The following PCBP3 variants were observed in gnomAD, a reference collection of about 807,000 sequenced individuals.
PCBP3 encodes poly(rC) binding protein 3.
In PCBP3, 25 loss-of-function variants were observed where a neutral mutation model predicts 52.7. The ratio of observed to expected loss-of-function variants is 0.47; its 90% CI spans 0.35 to 0.66. The LOEUF (loss-of-function observed/expected upper bound fraction) is 0.66. PCBP3 is among the 30% of genes least tolerant of loss of function. PCBP3 has a pLI of 0.01. For missense variants in PCBP3, 391 were observed against 490.3 expected (o/e 0.80, Z 1.91); for synonymous variants, 162 against 183.0 (o/e 0.89, Z 0.93).
chr21:45,914,042 T>C lies in PCBP3; in HGVS notation c.675+17T>C, dbSNP rs761094654. ...GGTGGTCAGGTAAGAGCCGATCCGCTCGCGGCCTCCACTGCCAACCTCAGC... is the reference window on the plus strand; with the variant it reads ...GGTGGTCAGGTAAGAGCCGATCCGCCCGCGGCCTCCACTGCCAACCTCAGC... On this transcript the variant is annotated intron_variant, in intron 12 of 17. Transcript: ENST00000681687. 2.5e-6 allele frequency: 4 copies of C among 1,613,370 alleles called. No homozygotes were observed. In the South Asian group the frequency reaches 4.4e-5, roughly 18 times the overall value.
At position 45,780,822 on chromosome 21, in the gene PCBP3, C is replaced by T. The variant is rs114695103; in HGVS notation, c.-126+25370C>T. Reference sequence around the variant, plus strand: ...AGAGAGAGAGAGCCAGGGACCGATGCGCCAACACTTTTATTGGAGTCTAGG... The same window carrying T: ...AGAGAGAGAGAGCCAGGGACCGATGTGCCAACACTTTTATTGGAGTCTAGG... On this transcript the variant is annotated intron_variant, in intron 4 of 17. Coordinates refer to ENST00000681687, the MANE Select transcript of PCBP3 (RefSeq NM_001384156.1). 5.5e-3 allele frequency among the ~76,000 whole-genome samples: 837 copies of T among 152,258 alleles called. 6 individuals are homozygous for T. The highest frequency in any genetic ancestry group is 0.019 in the African/African-American group (783 of 41,552).
intron 1 of PCBP3, among the ~76,000 whole-genome samples, chr21:45,651,154 T>C (rs770948139): frequency 6.6e-6 from 1 of 152,172 alleles, no homozygotes; most frequent in Non-Finnish European, 1.5e-5. Context: ...AGATATTAAA[T>C]ACATATTGGT....
intron 5 of PCBP3, among the ~76,000 whole-genome samples, chr21:45,855,230 C>G (rs929273092): frequency 6.6e-6 from 1 of 152,180 alleles, no homozygotes; most frequent in Non-Finnish European, 1.5e-5. Context: ...GTGCACAGAG[C>G]TGGAGCTTCC....
At chr21:45,812,719 C>A (rs1444211735) in intron 4 of PCBP3, among the ~76,000 whole-genome samples, 2 of 152,162 alleles carry the variant, frequency 1.3e-5, no homozygotes, top group Admixed American at 6.5e-5. Context: ...TGCAGTTCTG[C>A]TAGGTATGAA....
intron 3 of PCBP3, among the ~76,000 whole-genome samples, chr21:45,748,696 T>G (rs2087133802): frequency 6.6e-6 from 1 of 152,222 alleles, no homozygotes. Context: ...TGGTTGCAGT[T>G]GGGGGCAGGT....
At chr21:45,916,462 A>C (rs559160416) in intron 12 of PCBP3, 2 of 152,318 alleles carry the variant, frequency 1.3e-5, no homozygotes, top group Admixed American at 1.3e-4. Context: ...GCTGGGCTGC[A>C]GCCGGGTCCC....
intron 4 of PCBP3, among the ~76,000 whole-genome samples, chr21:45,801,395 T>C (rs990856673): frequency 1.2e-4 from 18 of 152,176 alleles, no homozygotes; most frequent in African/African-American, 4.1e-4. Context: ...GCAGGGCCCC[T>C]GGGTGCACAA....
intron 5 of PCBP3, chr21:45,872,702 T>G (rs2095081792): frequency 6.6e-6 from 1 of 152,342 alleles, no homozygotes; most frequent in East Asian, 1.9e-4. Flanking sequence ...CCAGCTGGCC[T>G]GTGGCTTCGG....
At chr21:45,825,802 G>A (rs71324449) in intron 4 of PCBP3, among the ~76,000 whole-genome samples, 6,211 of 152,272 alleles carry the variant, frequency 0.041, 179 homozygotes, top group Non-Finnish European at 0.064. Context: ...GGTGGGGTTG[G>A]TGGTGGGACG....
At chr21:45,902,842 C>T (rs2096097434) in intron 9 of PCBP3, among the ~76,000 whole-genome samples, 1 of 152,260 alleles carries the variant, frequency 6.6e-6, no homozygotes, top group South Asian at 2.1e-4. Context: ...CTGCTTGTGC[C>T]AACACGTCTT....
At chr21:45,897,988 C>T (rs2095874868) in intron 6 of PCBP3, among the ~76,000 whole-genome samples, 1 of 152,204 alleles carries the variant, frequency 6.6e-6, no homozygotes, top group Admixed American at 6.5e-5. Flanking sequence ...GCTCTGAGCT[C>T]TAGCCCCACA....
chr21:45,934,095 G>A (rs2076619815), intron 15 of PCBP3, among the ~76,000 whole-genome samples: 1 of 152,168 alleles, frequency 6.6e-6, no homozygotes, highest in African/African-American at 2.4e-5. Context: ...GAACCAGCAA[G>A]AGGGAAGCAT....
intron 13 of PCBP3, 106 bp from the exon 14 acceptor site, chr21:45,929,811 C>G (rs1340894330): frequency 1.2e-6 from 1 of 829,944 alleles, no homozygotes; most frequent in African/African-American, 1.7e-5. Flanking sequence ...CCGCATGGCC[C>G]TCTTTCTATC....
intron 9 of PCBP3, among the ~76,000 whole-genome samples, chr21:45,906,253 G>A (rs1161971243): frequency 2.6e-5 from 4 of 152,144 alleles, no homozygotes; most frequent in African/African-American, 9.7e-5. Context: ...GTTGTGTTTC[G>A]GTTCAGTACC....
Position 45,723,087 on chromosome 21 carries a change from T to A in PCBP3, c.-199-12305T>A, listed in dbSNP as rs572458358. On this transcript the variant is annotated intron_variant, in intron 2 of 17. Coordinates refer to ENST00000681687, the MANE Select transcript of PCBP3 (RefSeq NM_001384156.1). The stretch of plus-strand genomic sequence containing the variant: ...AGAAAATACACTCTACTGCTATCAT[T>A]GTTTCTATCTGGGAAGTGCAGGTGC... Among the ~76,000 whole-genome samples, 35 of 152,312 alleles carry A rather than the reference T, an allele frequency of 2.3e-4. No individual in the cohort carries two copies. The South Asian group carries it at 7.2e-3, about 32-fold the overall frequency.
intron 13 of PCBP3, among the ~76,000 whole-genome samples, chr21:45,921,232 C>G (rs1338130114): frequency 9.6e-6 from 1 of 104,616 alleles, no homozygotes; most frequent in African/African-American, 2.8e-5. Flanking sequence ...CAATTTCTTA[C>G]TATATCAATA....
chr21:45,811,565 G>A (rs1481999293), intron 4 of PCBP3, among the ~76,000 whole-genome samples: 2 of 152,238 alleles, frequency 1.3e-5, no homozygotes, highest in Non-Finnish European at 2.9e-5. Context: ...AACACATTTA[G>A]GACTGTTACA....
chr21:45,801,772 A>G (rs568752754), intron 4 of PCBP3, among the ~76,000 whole-genome samples: 10 of 152,366 alleles, frequency 6.6e-5, no homozygotes, highest in Admixed American at 5.9e-4. Context: ...TGCATTTGCT[A>G]ATTTGTTGCA....
At chr21:45,939,972 A>G in intron 16 of PCBP3, 58 bp from the exon 17 acceptor site, 1 of 1,518,774 alleles carries the variant, frequency 6.6e-7, no homozygotes, top group Middle Eastern at 1.8e-4. Flanking sequence ...CACTGCCCAC[A>G]GTCTTCAGGG....
Sources: allele counts gnomAD v4.1 joint callset (sites outside exome capture counted in the v4.1 genomes callset), GRCh38; gene constraint gnomAD v4.1.1; transcripts MANE v1.5; gene names NCBI Gene and HGNC (gene_info 2026-07-23, HGNC 2026-07-21).